SVIL: variants seen among roughly 807,000 people sequenced by gnomAD.
SVIL encodes the protein supervillin.
A neutral mutation model predicts 240.4 loss-of-function variants in SVIL; 101 were observed. The ratio of observed to expected loss-of-function variants is 0.42; its 90% CI spans 0.36 to 0.50. The LOEUF (loss-of-function observed/expected upper bound fraction) is 0.50. SVIL is among the 20% of genes least tolerant of loss of function. SVIL has a pLI of 0.01. For synonymous variants in SVIL, 999 were observed against 1,100.0 expected (o/e 0.91, Z 1.82); for missense variants, 2,512 against 2,818.7 (o/e 0.89, Z 2.46).
chr10:29,668,849 AT>A (rs891032937), intron 2 of SVIL, among the ~76,000 whole-genome samples: 1 of 152,196 alleles, frequency 6.6e-6, no homozygotes, highest in African/African-American at 2.4e-5. Flanking sequence ...TTACTGTACT[AT>A]TGAAAAAACA....
chr10:29,617,679 T>A (rs997147051), intron 1 of SVIL, among the ~76,000 whole-genome samples: 1 of 152,202 alleles, frequency 6.6e-6, no homozygotes, highest in Non-Finnish European at 1.5e-5. Flanking sequence ...GGAGATTCAT[T>A]GGAAGCATCC....
In SVIL at chr10:29,464,086, C is replaced by T. The variant is rs186354276; in HGVS notation, c.6134-451G>A. 2.6e-3 allele frequency among the ~76,000 whole-genome samples: 395 copies of T among 152,310 alleles called. 1 individual carries two copies. The highest frequency in any genetic ancestry group is 6.0e-3 in the African/African-American group (249 of 41,572). On this transcript the variant is annotated intron_variant, in intron 34 of 37. Transcript: ENST00000355867. ...GTCAGTGGCGTTCCTGCCCTGCACG[C>T]GATTGCTTAGCAGTGAGGTGAGCTC...
Position 29,506,993 on chromosome 10 carries a change from C to T in SVIL, c.3516+5742G>A, listed in dbSNP as rs139504359. Among the ~76,000 whole-genome samples, 1,057 of 152,242 alleles carry T rather than the reference C, an allele frequency of 6.9e-3. 7 individuals carry two copies. The highest frequency in any genetic ancestry group is 0.016 in the African/African-American group (676 of 41,542). On this transcript the variant is annotated intron_variant, in intron 17 of 37. Coordinates refer to ENST00000355867, the MANE Select transcript of SVIL (RefSeq NM_021738.3). ...CCACGGTGAAATAAAAGAAACCAGC[C>T]ATTCCTATTTTTCATGTTATTCACC...
intron 2 of SVIL, among the ~76,000 whole-genome samples, chr10:29,659,343 C>G (rs1959091892): frequency 6.6e-6 from 1 of 152,166 alleles, no homozygotes; most frequent in African/African-American, 2.4e-5. Flanking sequence ...TGAGTTCCAT[C>G]TTCTCATCTC....
At chr10:29,557,336 G>A (rs995746221) in intron 3 of SVIL, among the ~76,000 whole-genome samples, 9 of 152,228 alleles carry the variant, frequency 5.9e-5, no homozygotes, top group African/African-American at 2.2e-4. Flanking sequence ...AGGCTCAAGG[G>A]ATCTGCTTGC....
intron 1 of SVIL, among the ~76,000 whole-genome samples, chr10:29,605,392 T>C (rs1489570226): frequency 6.6e-6 from 1 of 152,142 alleles, no homozygotes; most frequent in East Asian, 1.9e-4. Flanking sequence ...CTCAGCAGAG[T>C]GCAAGAGCAG....
chr10:29,736,119 C>A (rs556403461), upstream of SVIL, among the ~76,000 whole-genome samples: 1 of 152,196 alleles, frequency 6.6e-6, no homozygotes, highest in Non-Finnish European at 1.5e-5. Flanking sequence ...GCGGGGACCA[C>A]GCTGGGACGA....
chr10:29,677,025 A>G (rs569938707), intron 2 of SVIL, among the ~76,000 whole-genome samples: 1 of 152,350 alleles, frequency 6.6e-6, no homozygotes, highest in African/African-American at 2.4e-5. Context: ...ATGTTTAATC[A>G]TTGCTATTTA....
chr10:29,691,911 A>G (rs1044634550), intron 1 of SVIL, among the ~76,000 whole-genome samples: 7 of 152,192 alleles, frequency 4.6e-5, no homozygotes, highest in African/African-American at 1.7e-4. Flanking sequence ...ACGCTAAGGA[A>G]AACAGATGAG....
chr10:29,543,443 G>A (rs1187643152), intron 6 of SVIL, among the ~76,000 whole-genome samples: 1 of 152,202 alleles, frequency 6.6e-6, no homozygotes, highest in Non-Finnish European at 1.5e-5. Flanking sequence ...CACTTTGGCA[G>A]TCATATAAAG....
At chr10:29,531,227 A>AG (rs1951343548) in intron 10 of SVIL, 27 bp downstream of exon 10, 2 of 1,611,824 alleles carry the variant, frequency 1.2e-6, no homozygotes, top group African/African-American at 2.7e-5. Context: ...ATAATAAAGA[A>AG]GAAAAAAAAG....
At chr10:29,503,032 ATTT>A (rs773040706) in intron 17 of SVIL, among the ~76,000 whole-genome samples, 1 of 152,140 alleles carries the variant, frequency 6.6e-6, no homozygotes, top group East Asian at 1.9e-4. Context: ...GGCTTTTAAA[ATTT>A]TTTTTATCTT....
chr10:29,505,820 C>A (rs1413537438), intron 17 of SVIL, among the ~76,000 whole-genome samples: 2 of 152,016 alleles, frequency 1.3e-5, no homozygotes, highest in Admixed American at 1.3e-4. Context: ...GAACCTACAA[C>A]TGCTCCAAAA....
intron 14 of SVIL, 143 bp downstream of exon 14, chr10:29,524,329 A>T: frequency 7.5e-7 from 1 of 1,332,026 alleles, no homozygotes; most frequent in Non-Finnish European, 1.0e-6. Flanking sequence ...CATTTTTAGG[A>T]AGAAAGCTAT....
At chr10:29,654,990 G>A (rs2133021292) in intron 3 of SVIL, among the ~76,000 whole-genome samples, 1 of 152,262 alleles carries the variant, frequency 6.6e-6, no homozygotes, top group South Asian at 2.1e-4. Flanking sequence ...TCCTCACTTA[G>A]TCTACCACTC....
At chr10:29,626,093 A>C (rs1046862504) in intron 1 of SVIL, among the ~76,000 whole-genome samples, 1 of 152,208 alleles carries the variant, frequency 6.6e-6, no homozygotes, top group Non-Finnish European at 1.5e-5. Context: ...TGTAGTTACG[A>C]GTAAGTTCTG....
chr10:29,679,815 C>T lies in SVIL; in HGVS notation c.-301+6738G>A, dbSNP rs192098335. ...TTACAGAAGTTCGTTTACAGAAGCC[C>T]GAGCTACACCATTGCACAGAATATC... On this transcript the variant is annotated intron_variant, in intron 2 of 35. Coordinates refer to the SVIL transcript ENST00000375400. Among the ~76,000 whole-genome samples, 540 of 150,870 alleles carry T rather than the reference C, an allele frequency of 3.6e-3. 3 individuals are homozygous for T. The highest frequency in any genetic ancestry group is 0.013 in the African/African-American group (515 of 41,012).
chr10:29,670,218 GATATTA>G (rs527424005), intron 2 of SVIL, among the ~76,000 whole-genome samples: 26 of 152,244 alleles, frequency 1.7e-4, no homozygotes. Context: ...GACCAGTTTA[GATATTA>G]ATTTAATCTT....
chr10:29,568,066 G>A (rs1165916246), intron 2 of SVIL, among the ~76,000 whole-genome samples: 1 of 150,600 alleles, frequency 6.6e-6, no homozygotes, highest in Non-Finnish European at 1.5e-5. Context: ...CCAAGCCTCA[G>A]ATCCTATTAA....
Sources: allele counts gnomAD v4.1 joint callset (sites outside exome capture counted in the v4.1 genomes callset), GRCh38; gene constraint gnomAD v4.1.1; transcripts MANE v1.5; gene names NCBI Gene and HGNC (gene_info 2026-07-23, HGNC 2026-07-21).